Variants in GALNT6 observed in about 807,000 individuals in gnomAD.
GALNT6 encodes the protein polypeptide N-acetylgalactosaminyltransferase 6, also known as GalNAc transferase 6.
In GALNT6, 51 loss-of-function variants were observed where a neutral mutation model predicts 65.9. The observed-to-expected ratio is 0.77, with a 90% CI of 0.62 to 0.98. The LOEUF (loss-of-function observed/expected upper bound fraction) is 0.98, where lower values mean the gene tolerates loss of function less well. Among genes scored for constraint, GALNT6 ranks in the 50% least tolerant of loss-of-function variants. The pLI is 0.00. For missense variants in GALNT6, 708 were observed against 803.3 expected (o/e 0.88, Z 1.43); for synonymous variants, 323 against 315.1 (o/e 1.02, Z -0.26).
rs977288831 is a variant in GALNT6 at position 51,387,847 on chromosome 12, T to A, written c.-104+3003A>T. ...AGGAGGGGTATTCCCGAAGGCCTCT[T>A]GGGCCAGTCTTCAAATTGGGAAGGG... On this transcript the variant is annotated intron_variant, in intron 2 of 11. Transcript: ENST00000356317. The surrounding 1 kb of genome is among the most constrained non-coding windows in gnomAD (Gnocchi z 4.2). Among the ~76,000 whole-genome samples the A allele has an allele frequency of 2.0e-4, 31 of 152,114 alleles. No homozygotes were observed. Among genetic ancestry groups the A allele is most frequent in the African/African-American group, 6.8e-4 (28 of 41,400 alleles).
rs745814073 is a variant in GALNT6 at position 51,379,747 on chromosome 12, C to T, written c.35G>A (p.Arg12His). The stretch of plus-strand genomic sequence containing the variant: ...AAAGGCGCAGCCCACCATGGCCAGG[C>T]GCAGGGGCATGTGGCGTCTGCGGAG... The part of the protein sequence containing the change: ...RLLRRRHMPL[R>H]LAMVGCAFVL... Residue 12 changes from arginine to histidine, a missense_variant, in exon 3 of 12, where the codon CGC (arginine) becomes CAC (histidine). Arg to His is a conservative substitution (Grantham distance 29). Transcript: ENST00000356317. 27 of 1,611,638 alleles carry T rather than the reference C, an allele frequency of 1.7e-5. No individual in the cohort carries two copies. Among genetic ancestry groups the T allele is most frequent in the Admixed American group, 3.3e-5 (2 of 59,964 alleles).
intron 8 of GALNT6, 114 bp downstream of exon 8, chr12:51,359,018 A>C: frequency 1.3e-6 from 1 of 795,730 alleles, no homozygotes; most frequent in Non-Finnish European, 2.1e-6. Context: ...CTGAGGGTGA[A>C]GGGAGGCGCC....
chr12:51,387,868 A>T lies in GALNT6; in HGVS notation c.-104+2982T>A, dbSNP rs1221668785. On this transcript the variant is annotated intron_variant, in intron 2 of 11. Coordinates refer to ENST00000356317, the MANE Select transcript of GALNT6 (RefSeq NM_007210.4). This position sits in a 1 kb window ranked among gnomAD's most constrained non-coding sequence, Gnocchi z 4.2. Reference sequence around the variant, plus strand: ...CTCTTGGGCCAGTCTTCAAATTGGGAAGGGGGCTTAATGGGAGAGACTAGA... The same window carrying T: ...CTCTTGGGCCAGTCTTCAAATTGGGTAGGGGGCTTAATGGGAGAGACTAGA... Among the ~76,000 whole-genome samples, 1 of 152,062 alleles carries T rather than the reference A, an allele frequency of 6.6e-6. No individual in the cohort carries two copies. Among genetic ancestry groups the T allele is most frequent in the African/African-American group, 2.4e-5 (1 of 41,396 alleles).
At position 51,390,164 on chromosome 12, in the gene GALNT6, T is replaced by C. The variant is rs11169824; in HGVS notation, c.-104+686A>G. ...TCTTTCTTTCTTTCTTTCTTTTTTTTTTTTTTTTTTTTTTTGAGACAGAGT... is the reference window on the plus strand; with the variant it reads ...TCTTTCTTTCTTTCTTTCTTTTTTTCTTTTTTTTTTTTTTTGAGACAGAGT... On this transcript the variant is annotated intron_variant, in intron 2 of 11. Transcript: ENST00000356317. 1.5e-3 allele frequency among the ~76,000 whole-genome samples: 73 copies of C among 47,264 alleles called. 2 individuals carry two copies. Among genetic ancestry groups the C allele is most frequent in the African/African-American group, 3.2e-3 (54 of 16,616 alleles). 31.0% of individuals were successfully genotyped at this position (47,264 alleles called of 152,430 possible). A position where few individuals can be genotyped will look rare whatever the true frequency, so the allele number is the denominator to read the frequency against.
In GALNT6 at chr12:51,354,189, C is replaced by T; in HGVS notation, c.*190G>A. The stretch of plus-strand genomic sequence containing the variant: ...TAAATATATGTCCTAATGGTCTCTT[C>T]CATCGGTGTGAAGGAAAGAAAATGG... On this transcript the variant is annotated 3_prime_UTR_variant, in exon 12 of 12. Coordinates refer to ENST00000356317, the MANE Select transcript of GALNT6 (RefSeq NM_007210.4). 1 of 521,150 alleles carries T rather than the reference C, an allele frequency of 1.9e-6. No individual in the cohort carries two copies. The allele number at this position is 521,150 out of a possible 1,614,324, so 32.3% of individuals were successfully genotyped here. A position where few individuals can be genotyped will look rare whatever the true frequency, so the allele number is the denominator to read the frequency against.
Position 51,364,209 on chromosome 12 carries a change from C to T in GALNT6, c.961G>A (p.Gly321Ser). The stretch of plus-strand genomic sequence containing the variant: ...AAGGTCAGGCTCCAGTCAAAGTTGC[C>T]TCGGCTATGGACTCTGCCCCTCTGG... ...PVQRGRVHSR[G>S]NFDWSLTFGW... The change falls in exon 6 of 12, where the codon GGC becomes AGC. Residue 321 changes from glycine to serine, a missense_variant. Physicochemically the swap from Gly to Ser is moderately conservative, Grantham distance 56. Transcript: ENST00000356317. 6.2e-7 allele frequency: 1 copy of T among 1,614,162 alleles called. No individual in the cohort carries two copies. Among genetic ancestry groups the T allele is most frequent in the South Asian group, 1.1e-5 (1 of 91,080 alleles).
rs1042983573 is a variant in GALNT6, at chr12:51,352,643, C to G, written c.*1736G>C. 6.6e-6 allele frequency: 1 copy of G among 152,276 alleles called. No individual in the cohort carries two copies. Among genetic ancestry groups the G allele is most frequent in the Admixed American group, 6.5e-5 (1 of 15,288 alleles). 9.4% of individuals were successfully genotyped at this position (152,276 alleles called of 1,614,324 possible). A position where few individuals can be genotyped will look rare whatever the true frequency, so the allele number is the denominator to read the frequency against. On this transcript the variant is annotated 3_prime_UTR_variant, in exon 12 of 12. Coordinates refer to ENST00000356317, the MANE Select transcript of GALNT6 (RefSeq NM_007210.4). Reference sequence around the variant, plus strand: ...ACATCCCAGGATTCCTAAGTGTGCTCTCTCCACAATGGCTACCTGGCCCTG... The same window carrying G: ...ACATCCCAGGATTCCTAAGTGTGCTGTCTCCACAATGGCTACCTGGCCCTG...
At chr12:51,384,000 A>G (rs1316888261) in intron 2 of GALNT6, among the ~76,000 whole-genome samples, 1 of 151,942 alleles carries the variant, frequency 6.6e-6, no homozygotes, top group African/African-American at 2.4e-5. Context: ...GGTGTCTTGT[A>G]TATCTCCCTC....
intron 2 of GALNT6, among the ~76,000 whole-genome samples, chr12:51,381,218 C>T (rs554283036): frequency 4.6e-5 from 7 of 152,144 alleles, no homozygotes; most frequent in African/African-American, 1.7e-4. Flanking sequence ...TCAGCATGGG[C>T]GAGAGAGAGA....
At chr12:51,373,978 G>A (rs910799513) in intron 4 of GALNT6, among the ~76,000 whole-genome samples, 2 of 152,120 alleles carry the variant, frequency 1.3e-5, no homozygotes, top group African/African-American at 4.8e-5. Flanking sequence ...TTCCACCTCA[G>A]CCCTCCAAGT....
In GALNT6 at chr12:51,377,312, T is replaced by C. The variant is rs1489339124; in HGVS notation, c.547A>G (p.Ile183Val). ...GACCAGGCTTCGTTGTGGAACACAA[T>C]GATCACGCTGGTGGTGGCCAGTGGG... ...CPPLATTSVI[I>V]VFHNEAWSTL... The change falls in exon 4 of 12, where the codon ATT becomes GTT. Residue 183 changes from isoleucine to valine, a missense_variant. Ile to Val is a conservative substitution (Grantham distance 29). Transcript: ENST00000356317. 6 of 1,613,244 alleles carry C rather than the reference T, an allele frequency of 3.7e-6. No individual in the cohort carries two copies. The East Asian group carries it at 1.1e-4, about 30-fold the overall frequency.
At chr12:51,368,832 G>A (rs1308830814) in intron 4 of GALNT6, among the ~76,000 whole-genome samples, 2 of 152,220 alleles carry the variant, frequency 1.3e-5, no homozygotes, top group Non-Finnish European at 2.9e-5. Context: ...CTCCAGGAAT[G>A]AGGCCTCTTA....
At chr12:51,365,782 G>A (rs1055513393) in intron 4 of GALNT6, among the ~76,000 whole-genome samples, 3 of 152,330 alleles carry the variant, frequency 2.0e-5, no homozygotes, top group African/African-American at 7.2e-5. Flanking sequence ...AAGAAGCCCT[G>A]TCTGTGGTCA....
At chr12:51,373,403 G>A (rs12815890) in intron 4 of GALNT6, among the ~76,000 whole-genome samples, 70,567 of 151,790 alleles carry the variant, frequency 0.46, 17,452 homozygotes, top group Non-Finnish European at 0.56. Context: ...GTTTTATGAG[G>A]GGCTTCCCCT....
chr12:51,378,753 T>C (rs558361866), intron 3 of GALNT6, among the ~76,000 whole-genome samples: 1 of 152,264 alleles, frequency 6.6e-6, no homozygotes, highest in South Asian at 2.1e-4. Flanking sequence ...GAGATCTCAT[T>C]GTGCAAGATT....
At chr12:51,355,658 T>C (rs1946722525) in intron 11 of GALNT6, 148 bp downstream of exon 11, 8 of 589,578 alleles carry the variant, frequency 1.4e-5, no homozygotes, top group Non-Finnish European at 2.1e-5. Flanking sequence ...TTAGTAGAGA[T>C]GGGGTTTCAC....
At chr12:51,376,956 G>C (rs543063592) in intron 4 of GALNT6, among the ~76,000 whole-genome samples, 2 of 152,332 alleles carry the variant, frequency 1.3e-5, no homozygotes, top group South Asian at 2.1e-4. Flanking sequence ...CCTTGGCAGC[G>C]TTCAGGGAGT....
At chr12:51,377,433 C>T (rs775985174) in intron 3 of GALNT6, 66 bp from the exon 4 acceptor site, 1 of 1,406,222 alleles carries the variant, frequency 7.1e-7, no homozygotes, top group Non-Finnish European at 9.9e-7. Context: ...GGGGAGGGCC[C>T]CATCCAGAGA....
chr12:51,378,300 A>G (rs1468132911), intron 3 of GALNT6, among the ~76,000 whole-genome samples: 2 of 152,160 alleles, frequency 1.3e-5, no homozygotes, highest in Non-Finnish European at 2.9e-5. Context: ...GATTACAGGC[A>G]CCCACTACCA....
Sources: gnomAD v4.1 joint callset for allele counts (sites outside exome capture counted in the v4.1 genomes callset) on GRCh38, gnomAD v4.1.1 for gene constraint, Gnocchi (gnomAD v3.1) non-coding constraint, MANE v1.5 for transcripts, NCBI Gene and HGNC (gene_info 2026-07-23, HGNC 2026-07-21) for gene names.